The following SLC39A10 variants were observed in gnomAD, a reference collection of about 807,000 sequenced individuals.
SLC39A10 encodes solute carrier family 39 member 10.
A neutral mutation model predicts 65.1 loss-of-function variants in SLC39A10; 13 were observed. The observed-to-expected ratio is 0.20, with a 90% CI of 0.13 to 0.32. The LOEUF (loss-of-function observed/expected upper bound fraction) is 0.32, where lower values mean the gene tolerates loss of function less well. Ranked by LOEUF, SLC39A10 falls within the 10% of genes least tolerant of loss-of-function variation. SLC39A10 has a pLI of 1.00. For missense variants in SLC39A10, 831 were observed against 1,018.4 expected (o/e 0.82, Z 2.50); for synonymous variants, 321 against 342.2 (o/e 0.94, Z 0.68).
At chr2:195,626,200 A>G (rs562696044) in intron 2 of SLC39A10, among the ~76,000 whole-genome samples, 1 of 152,364 alleles carries the variant, frequency 6.6e-6, no homozygotes, top group South Asian at 2.1e-4. Context: ...CAAGCTCTTC[A>G]AAGCTTCAGG....
intron 2 of SLC39A10, among the ~76,000 whole-genome samples, chr2:195,631,234 T>C (rs1277712823): frequency 6.6e-6 from 1 of 151,672 alleles, no homozygotes; most frequent in Admixed American, 6.6e-5. Flanking sequence ...ATCAGCTTTA[T>C]GACATAGAGC....
rs4014248 is a variant in SLC39A10, at chr2:195,647,291, ATCACG to A, written c.-11-32736_-11-32732del. Among the ~76,000 whole-genome samples, 2,785 of 151,998 alleles carry A rather than the reference ATCACG, an allele frequency of 0.018. 206 individuals are homozygous for A. The East Asian group carries it at 0.24, about 13-fold the overall frequency. On this transcript the variant is annotated intron_variant, in intron 2 of 2. Transcript: ENST00000458054. ...AATATGATTTCCCTTCTTGCCCATG[ATCACG>A]TCACTTGCCCACCGAAAATTCTTCA...
Position 195,713,464 on chromosome 2 carries a change from C to A in SLC39A10, c.1607C>A (p.Thr536Lys). 6.3e-7 allele frequency: 1 copy of A among 1,576,042 alleles called. No individual in the cohort carries two copies. Among genetic ancestry groups the A allele is most frequent in the South Asian group, 1.2e-5 (1 of 83,458 alleles). ...GKQKWFMKQN[T>K]EESTIGRKLS... ...CAGAAATGGTTTATGAAACAGAACA[C>A]AGAAGAATCAACTATTGGAAGAAAG... is the stretch of plus-strand genomic sequence containing the variant. Residue 536 changes from threonine (T) to lysine (K), a missense_variant, in exon 6 of 10, where the codon ACA becomes AAA. Around this residue, in one of 4 missense-constraint regions of SLC39A10, gnomAD observed 230 missense variants for 242.9 expected, o/e 0.95. Transcript: ENST00000359634.
chr2:195,671,959 CTT>C (rs760834067), intron 1 of SLC39A10, among the ~76,000 whole-genome samples: 1 of 145,996 alleles, frequency 6.8e-6, no homozygotes, highest in Non-Finnish European at 1.5e-5. Flanking sequence ...GAGCGGTCAT[CTT>C]TTTTTTTTTT....
Position 195,736,145 on chromosome 2 carries a change from G to A in SLC39A10, c.*1104G>A, listed in dbSNP as rs566549485. 2.6e-5 allele frequency: 4 copies of A among 152,700 alleles called. No homozygotes were observed. The East Asian group carries it at 7.7e-4, about 29-fold the overall frequency. 9.5% of individuals were successfully genotyped at this position (152,700 alleles called of 1,614,324 possible). A position where few individuals can be genotyped will look rare whatever the true frequency, so the allele number is the denominator to read the frequency against. On this transcript the variant is annotated 3_prime_UTR_variant, in exon 10 of 10. Coordinates refer to ENST00000359634, the MANE Select transcript of SLC39A10 (RefSeq NM_020342.3). ...CTCCATTATTGCCATGGCTGTCATG[G>A]TACCCAAGTGACTTGGAAGATGCAT...
chr2:195,693,750 C>G (rs986991041), intron 3 of SLC39A10, among the ~76,000 whole-genome samples: 2 of 152,092 alleles, frequency 1.3e-5, no homozygotes, highest in African/African-American at 4.8e-5. Context: ...AAAAAACCAA[C>G]TTTTTGTTTC....
At chr2:195,660,305 A>C (rs1689338328) in intron 1 of SLC39A10, among the ~76,000 whole-genome samples, 1 of 152,248 alleles carries the variant, frequency 6.6e-6, no homozygotes, top group African/African-American at 2.4e-5. Flanking sequence ...GTTGCAAAAG[A>C]AAGTACACAA....
chr2:195,653,205 A>T (rs563547436), upstream of SLC39A10, among the ~76,000 whole-genome samples: 2 of 152,310 alleles, frequency 1.3e-5, no homozygotes, highest in South Asian at 4.1e-4. Flanking sequence ...AGAGCCTGCT[A>T]TCTGTCATGT....
intron 1 of SLC39A10, among the ~76,000 whole-genome samples, chr2:195,671,395 A>G (rs1689851651): frequency 6.6e-6 from 1 of 152,208 alleles, no homozygotes; most frequent in Non-Finnish European, 1.5e-5. Context: ...CCCTTTTCCC[A>G]TTTCTTGTCA....
At chr2:195,679,517 A>G (rs932064090) in intron 1 of SLC39A10, among the ~76,000 whole-genome samples, 1 of 152,216 alleles carries the variant, frequency 6.6e-6, no homozygotes, top group Non-Finnish European at 1.5e-5. Flanking sequence ...AGTTTTCACA[A>G]AATTCTGAGA....
chr2:195,697,073 G>A (rs2105796439), intron 3 of SLC39A10, among the ~76,000 whole-genome samples: 1 of 152,242 alleles, frequency 6.6e-6, no homozygotes, highest in East Asian at 1.9e-4. Flanking sequence ...GACAGAGGTG[G>A]AAGAGGGAGG....
Position 195,683,430 on chromosome 2 carries a change from G to GT in SLC39A10, c.1009-268dup, listed in dbSNP as rs557167010. On this transcript the variant is annotated intron_variant, in intron 2 of 9. Coordinates refer to ENST00000359634, the MANE Select transcript of SLC39A10 (RefSeq NM_020342.3). Reference sequence around the variant, plus strand: ...CTACGAGAGTCTTGGGGATATAGTTGTGAGTCATCCTTATCCATGACAGAA... The same window carrying GT: ...CTACGAGAGTCTTGGGGATATAGTTGTTGAGTCATCCTTATCCATGACAGAA... Among the ~76,000 whole-genome samples the GT allele has an allele frequency of 9.1e-4, 139 of 152,140 alleles. 4 individuals carry two copies. The East Asian group carries it at 0.026, about 29-fold the overall frequency.
chr2:195,624,347 A>G (rs1688415485), intron 2 of SLC39A10, among the ~76,000 whole-genome samples: 1 of 146,964 alleles, frequency 6.8e-6, no homozygotes. Context: ...AAATCGTGCC[A>G]CTGCACTCCA....
intron 1 of SLC39A10, among the ~76,000 whole-genome samples, chr2:195,673,388 GC>G (rs1364018145): frequency 6.6e-6 from 1 of 151,950 alleles, no homozygotes; most frequent in East Asian, 1.9e-4. Context: ...TCTTGAACTT[GC>G]GCTCAAGATC....
intron 1 of SLC39A10, 165 bp downstream of exon 1, chr2:195,657,446 G>T: frequency 1.0e-6 from 1 of 986,000 alleles, no homozygotes. Context: ...TCCCGCAGCT[G>T]CTGCAGTCGG....
At chr2:195,673,319 A>G (rs1326026538) in intron 1 of SLC39A10, among the ~76,000 whole-genome samples, 1 of 152,024 alleles carries the variant, frequency 6.6e-6, no homozygotes, top group Non-Finnish European at 1.5e-5. Flanking sequence ...ACCATGCCCA[A>G]CTAATTTTTT....
intron 3 of SLC39A10, among the ~76,000 whole-genome samples, chr2:195,689,485 T>A (rs1436181294): frequency 3.3e-5 from 5 of 152,220 alleles, no homozygotes; most frequent in Non-Finnish European, 5.9e-5. Flanking sequence ...TAAATGTTTT[T>A]AAACTGTAGT....
intron 4 of SLC39A10, among the ~76,000 whole-genome samples, chr2:195,707,899 C>T (rs1474670022): frequency 1.3e-5 from 2 of 152,056 alleles, no homozygotes; most frequent in East Asian, 3.9e-4. Flanking sequence ...AAGAAAGATA[C>T]CTAAGTGCAG....
At chr2:195,635,046 C>G (rs1295419882) in intron 2 of SLC39A10, among the ~76,000 whole-genome samples, 4 of 152,064 alleles carry the variant, frequency 2.6e-5, no homozygotes, top group Non-Finnish European at 5.9e-5. Flanking sequence ...AAGACTTTGT[C>G]TCCAAAAAAA....
Sources: gnomAD v4.1 joint callset for allele counts (sites outside exome capture counted in the v4.1 genomes callset) on GRCh38, gnomAD v4.1.1 for gene constraint, gnomAD v4.1.1 regional missense constraint, MANE v1.5 for transcripts, NCBI Gene and HGNC (gene_info 2026-07-23, HGNC 2026-07-21) for gene names.